The following ZNF804B variants were observed in gnomAD, a reference collection of about 807,000 sequenced individuals.
ZNF804B encodes zinc finger 804B.
In ZNF804B, 80 loss-of-function variants were observed where a neutral mutation model predicts 101.4. The observed-to-expected ratio is 0.79, with a 90% CI of 0.66 to 0.95. The LOEUF (loss-of-function observed/expected upper bound fraction) is 0.95, where lower values mean the gene tolerates loss of function less well. Ranked by LOEUF, ZNF804B falls within the 40% of genes least tolerant of loss-of-function variation. The probability of loss-of-function intolerance (pLI) is 0.00; values close to 1 mark genes in which losing one functional copy is unlikely to be tolerated. For synonymous variants in ZNF804B, 622 were observed against 558.8 expected, an observed-to-expected ratio of 1.11 and a Z score of -1.59; for missense variants, 1,673 against 1,561.9, an observed-to-expected ratio of 1.07 and a Z score of -1.20.
chr7:88,927,988 C>T (rs2116012887), intron 1 of ZNF804B, among the ~76,000 whole-genome samples: 1 of 152,166 alleles, frequency 6.6e-6, no homozygotes, highest in East Asian at 1.9e-4. Context: ...ATATCTCCTA[C>T]CAAACCTCAT....
chr7:88,880,177 G>T (rs1792011483), intron 1 of ZNF804B, among the ~76,000 whole-genome samples: 1 of 152,206 alleles, frequency 6.6e-6, no homozygotes, highest in Non-Finnish European at 1.5e-5. Context: ...AGAAAATATG[G>T]TGTTTTGCTA....
Position 89,170,829 on chromosome 7 carries a change from C to A in ZNF804B, c.109-47326C>A, listed in dbSNP as rs61478406. Among the ~76,000 whole-genome samples the A allele has an allele frequency of 4.8e-3, 732 of 152,298 alleles. 6 individuals are homozygous for A. Among genetic ancestry groups the A allele is most frequent in the African/African-American group, 0.017 (705 of 41,560 alleles). ...AGCAGCACACTGCCAATGGGCTTTC[C>A]CAAGTTATCTCTGTTCTGCCTTCAC... is the stretch of plus-strand genomic sequence containing the variant. On this transcript the variant is annotated intron_variant, in intron 1 of 3. Transcript: ENST00000333190.
At chr7:88,950,110 C>T (rs1793195270) in intron 1 of ZNF804B, among the ~76,000 whole-genome samples, 1 of 151,836 alleles carries the variant, frequency 6.6e-6, no homozygotes, top group Non-Finnish European at 1.5e-5. Context: ...TGATAGATAC[C>T]TTAGGATTTT....
intron 1 of ZNF804B, among the ~76,000 whole-genome samples, chr7:89,159,138 G>A (rs1278110840): frequency 1.3e-5 from 2 of 152,088 alleles, no homozygotes; most frequent in African/African-American, 4.8e-5. Context: ...TCTCCTGGAT[G>A]ATTCTTTGTA....
intron 2 of ZNF804B, among the ~76,000 whole-genome samples, chr7:89,281,191 G>T (rs1386731348): frequency 6.6e-6 from 1 of 152,006 alleles, no homozygotes; most frequent in East Asian, 1.9e-4. Flanking sequence ...TGATAAGTTG[G>T]CATGGTTATA....
intron 1 of ZNF804B, among the ~76,000 whole-genome samples, chr7:88,863,285 C>A (rs1182249233): frequency 6.6e-6 from 1 of 152,206 alleles, no homozygotes; most frequent in Non-Finnish European, 1.5e-5. Context: ...GTCCAAATGA[C>A]CCTTCCTCTA....
chr7:89,332,802 T>C (rs1241815553), intron 3 of ZNF804B, among the ~76,000 whole-genome samples: 15 of 151,970 alleles, frequency 9.9e-5, no homozygotes, highest in Non-Finnish European at 2.2e-4. Context: ...TATTTTATTA[T>C]GCATTTATTA....
chr7:89,058,012 C>T (rs1009356472), intron 1 of ZNF804B, among the ~76,000 whole-genome samples: 6 of 152,028 alleles, frequency 3.9e-5, no homozygotes, highest in African/African-American at 1.2e-4. Context: ...AAAAGAGAAA[C>T]GTTCCAGAGT....
chr7:89,224,405 C>T (rs1487181411), intron 2 of ZNF804B, among the ~76,000 whole-genome samples: 1 of 152,034 alleles, frequency 6.6e-6, no homozygotes, highest in African/African-American at 2.4e-5. Flanking sequence ...ACAGAACTAC[C>T]ATTGTCATCT....
At chr7:88,809,986 G>T (rs1224308793) in intron 1 of ZNF804B, among the ~76,000 whole-genome samples, 1 of 152,064 alleles carries the variant, frequency 6.6e-6, no homozygotes, top group Non-Finnish European at 1.5e-5. Flanking sequence ...ATATGACACA[G>T]GTAATATACA....
intron 3 of ZNF804B, 32 bp from the exon 4 acceptor site, chr7:89,333,331 C>CTTAA (rs1323549621): frequency 1.3e-6 from 2 of 1,502,854 alleles, no homozygotes; most frequent in Non-Finnish European, 1.8e-6. Context: ...AAGCTAATCT[C>CTTAA]TTAATCATTT....
chr7:89,068,656 G>A (rs1001193852), intron 1 of ZNF804B, among the ~76,000 whole-genome samples: 20 of 152,170 alleles, frequency 1.3e-4, no homozygotes, highest in Admixed American at 1.1e-3. Context: ...TAGTACTGGC[G>A]CATAATAGGT....
chr7:89,192,556 T>C (rs1788473243), intron 1 of ZNF804B, among the ~76,000 whole-genome samples: 2 of 152,106 alleles, frequency 1.3e-5, no homozygotes, highest in Non-Finnish European at 2.9e-5. Flanking sequence ...TAGCGACTTA[T>C]TGTTTTTGAA....
chr7:89,202,011 C>T (rs781140227), intron 1 of ZNF804B, among the ~76,000 whole-genome samples: 16 of 151,860 alleles, frequency 1.1e-4, no homozygotes, highest in Non-Finnish European at 1.5e-4. Flanking sequence ...TTATGTTGTC[C>T]TTTGTATCTT....
chr7:88,830,176 G>T (rs1285465047), intron 1 of ZNF804B, among the ~76,000 whole-genome samples: 1 of 152,138 alleles, frequency 6.6e-6, no homozygotes, highest in East Asian at 1.9e-4. Flanking sequence ...TTACTAAAAA[G>T]AATTAGACTG....
chr7:89,195,696 T>G (rs570765399), intron 1 of ZNF804B, among the ~76,000 whole-genome samples: 26 of 151,282 alleles, frequency 1.7e-4, no homozygotes, highest in Non-Finnish European at 3.2e-4. Flanking sequence ...ATAAGAAACT[T>G]CAGCAAATCT....
At chr7:89,121,271 T>G (rs1046975905) in intron 1 of ZNF804B, among the ~76,000 whole-genome samples, 4 of 152,336 alleles carry the variant, frequency 2.6e-5, no homozygotes, top group Non-Finnish European at 4.4e-5. Flanking sequence ...TATATAAGAC[T>G]AATGTATTTC....
intron 1 of ZNF804B, among the ~76,000 whole-genome samples, chr7:89,042,656 G>T (rs116623063): frequency 0.011 from 1,616 of 152,138 alleles, 32 homozygotes; most frequent in African/African-American, 0.037. Flanking sequence ...ATCATAATTT[G>T]GGACTAATGC....
chr7:88,832,321 T>G (rs887067651), intron 1 of ZNF804B, among the ~76,000 whole-genome samples: 5 of 152,054 alleles, frequency 3.3e-5, no homozygotes, highest in South Asian at 2.1e-4. Flanking sequence ...TCATTATATT[T>G]TGTATACCTT....
Sources: gnomAD v4.1 joint callset for allele counts (sites outside exome capture counted in the v4.1 genomes callset) on GRCh38, gnomAD v4.1.1 for gene constraint, MANE v1.5 for transcripts, NCBI Gene and HGNC (gene_info 2026-07-23, HGNC 2026-07-21) for gene names.